The following STXBP6 variants were observed in gnomAD, a reference collection of about 807,000 sequenced individuals.
The protein encoded by STXBP6 is syntaxin binding protein 6, also known as syntaxin-binding protein 6.
A neutral mutation model predicts 26.9 loss-of-function variants in STXBP6; 21 were observed. The ratio of observed to expected loss-of-function variants is 0.78; its 90% CI spans 0.55 to 1.12. STXBP6 has a LOEUF of 1.12. STXBP6 is among the 50% of genes most tolerant of loss of function. The pLI, the probability that STXBP6 is intolerant of heterozygous loss-of-function variation, is 0.00. For missense variants in STXBP6, 232 were observed against 257.9 expected (o/e 0.90, Z 0.69); for synonymous variants, 97 against 92.6 (o/e 1.05, Z -0.27).
At chr14:24,877,382 T>C (rs777303468) in intron 2 of STXBP6, among the ~76,000 whole-genome samples, 5 of 152,242 alleles carry the variant, frequency 3.3e-5, no homozygotes, top group African/African-American at 9.6e-5. Flanking sequence ...TCTGTGTCCA[T>C]CTACTCCTTT....
chr14:24,938,595 G>GA (rs75008425), intron 2 of STXBP6, among the ~76,000 whole-genome samples: 1,912 of 116,586 alleles, frequency 0.016, 28 homozygotes, highest in African/African-American at 0.047. Flanking sequence ...GAAAAACCAG[G>GA]AAAAAAAAAA....
At chr14:24,840,924 A>T (rs2068765074) in intron 4 of STXBP6, among the ~76,000 whole-genome samples, 1 of 152,168 alleles carries the variant, frequency 6.6e-6, no homozygotes, top group Admixed American at 6.5e-5. Flanking sequence ...CATTGAACAT[A>T]CAGCATGTAT....
chr14:24,873,963 G>A (rs1339749530), intron 2 of STXBP6, among the ~76,000 whole-genome samples: 1 of 152,174 alleles, frequency 6.6e-6, no homozygotes, highest in East Asian at 1.9e-4. Context: ...TTCTTTTGCT[G>A]ATGTGCAGAT....
chr14:24,904,826 C>T (rs1218552440), intron 2 of STXBP6, among the ~76,000 whole-genome samples: 1 of 152,220 alleles, frequency 6.6e-6, no homozygotes, highest in Admixed American at 6.5e-5. Context: ...GCCATCCAAT[C>T]TGTGGTATTC....
At chr14:24,895,935 G>T (rs1032545504) in intron 2 of STXBP6, among the ~76,000 whole-genome samples, 1 of 152,216 alleles carries the variant, frequency 6.6e-6, no homozygotes, top group Non-Finnish European at 1.5e-5. Flanking sequence ...CCAGCACACA[G>T]AACTCACTGA....
At chr14:24,984,104 C>T (rs576286177) in intron 1 of STXBP6, among the ~76,000 whole-genome samples, 6 of 152,188 alleles carry the variant, frequency 3.9e-5, no homozygotes, top group African/African-American at 7.2e-5. Flanking sequence ...TGGTGGCATG[C>T]ACCTGTAGTC....
At chr14:24,900,716 T>C (rs1264592415) in intron 2 of STXBP6, among the ~76,000 whole-genome samples, 1 of 152,126 alleles carries the variant, frequency 6.6e-6, no homozygotes, top group Non-Finnish European at 1.5e-5. Flanking sequence ...AAGAAGGAAA[T>C]GAGGTCCATA....
At chr14:24,962,926 T>C (rs1307517369) in intron 2 of STXBP6, among the ~76,000 whole-genome samples, 2 of 151,602 alleles carry the variant, frequency 1.3e-5, no homozygotes, top group African/African-American at 2.4e-5. Flanking sequence ...TGATCAAATA[T>C]TGTATGGTAC....
chr14:25,046,431 TAAAG>T (rs2075727867), intron 1 of STXBP6, among the ~76,000 whole-genome samples: 1 of 152,010 alleles, frequency 6.6e-6, no homozygotes, highest in African/African-American at 2.4e-5. Flanking sequence ...TTGAGTTTTT[TAAAG>T]GTTTCTGATT....
chr14:24,898,953 G>T (rs2071102527), intron 2 of STXBP6, among the ~76,000 whole-genome samples: 1 of 152,196 alleles, frequency 6.6e-6, no homozygotes, highest in Non-Finnish European at 1.5e-5. Flanking sequence ...AGGCATGATT[G>T]ATTATACCAC....
chr14:24,823,507 T>C (rs1171724178), intron 4 of STXBP6, among the ~76,000 whole-genome samples: 1 of 152,178 alleles, frequency 6.6e-6, no homozygotes, highest in Admixed American at 6.5e-5. Flanking sequence ...AACAGAATTT[T>C]CAGCAGCTAC....
At chr14:24,937,295 A>G (rs187323942) in intron 2 of STXBP6, among the ~76,000 whole-genome samples, 34 of 152,382 alleles carry the variant, frequency 2.2e-4, no homozygotes, top group Non-Finnish European at 1.0e-4. Context: ...AATTTAAAAA[A>G]AAGTAAAGAG....
At chr14:25,046,955 G>C (rs973021196) in intron 1 of STXBP6, among the ~76,000 whole-genome samples, 31 of 152,190 alleles carry the variant, frequency 2.0e-4, no homozygotes, top group Admixed American at 2.0e-3. Flanking sequence ...CAGAAGGAAT[G>C]AAAGGGCTTT....
At chr14:24,865,785 G>A (rs985782842) in intron 2 of STXBP6, among the ~76,000 whole-genome samples, 1 of 152,018 alleles carries the variant, frequency 6.6e-6, no homozygotes, top group Non-Finnish European at 1.5e-5. Flanking sequence ...AAGATTATAT[G>A]GTATTGAGTT....
At chr14:24,866,089 T>C (rs903287011) in intron 2 of STXBP6, among the ~76,000 whole-genome samples, 1 of 152,112 alleles carries the variant, frequency 6.6e-6, no homozygotes, top group African/African-American at 2.4e-5. Flanking sequence ...GAGATTAACA[T>C]TTAAATCTGT....
At chr14:25,042,593 C>T (rs1277560706) in intron 1 of STXBP6, among the ~76,000 whole-genome samples, 2 of 152,190 alleles carry the variant, frequency 1.3e-5, no homozygotes. Flanking sequence ...GTCACGCACA[C>T]GTTAATGGTA....
chr14:25,005,644 T>C (rs2074874267), intron 1 of STXBP6, among the ~76,000 whole-genome samples: 2 of 152,214 alleles, frequency 1.3e-5, no homozygotes, highest in African/African-American at 4.8e-5. Flanking sequence ...TACTACACTT[T>C]TGTGGAGTCA....
chr14:25,013,818 C>A (rs556449433), intron 1 of STXBP6, among the ~76,000 whole-genome samples: 2 of 150,742 alleles, frequency 1.3e-5, no homozygotes, highest in South Asian at 4.2e-4. Flanking sequence ...AGAGGCATGT[C>A]AATCAACTGC....
At chr14:24,853,253 GC>G (rs1044401569) in intron 4 of STXBP6, among the ~76,000 whole-genome samples, 3 of 152,022 alleles carry the variant, frequency 2.0e-5, no homozygotes, top group African/African-American at 7.2e-5. Context: ...GAATGTAGTG[GC>G]CCCAGAAGCA....
Sources: gnomAD v4.1 joint callset for allele counts (sites outside exome capture counted in the v4.1 genomes callset) on GRCh38, gnomAD v4.1.1 for gene constraint, MANE v1.5 for transcripts, NCBI Gene and HGNC (gene_info 2026-07-23, HGNC 2026-07-21) for gene names.